Variants in PPP1R9A observed in about 807,000 individuals in gnomAD.
PPP1R9A encodes neurabin-1.
Under a neutral mutation model 141.9 loss-of-function variants are expected in PPP1R9A, and 59 were observed. That is an observed-to-expected ratio of 0.42 (90% CI 0.34 to 0.52). PPP1R9A has a LOEUF of 0.52. Among genes scored for constraint, PPP1R9A ranks in the 20% least tolerant of loss-of-function variants. The pLI, the probability that PPP1R9A is intolerant of heterozygous loss-of-function variation, is 0.10. For synonymous variants in PPP1R9A, 500 were observed against 569.7 expected, an observed-to-expected ratio of 0.88 and a Z score of 1.74; for missense variants, 1,444 against 1,611.9, an observed-to-expected ratio of 0.90 and a Z score of 1.78.
chr7:95,174,000 A>G (rs1250606647), intron 5 of PPP1R9A, among the ~76,000 whole-genome samples: 3 of 152,108 alleles, frequency 2.0e-5, no homozygotes, highest in Non-Finnish European at 4.4e-5. Context: ...CCAGCTAGCA[A>G]TTCCGCACCT....
chr7:95,123,560 A>G (rs957360714), intron 4 of PPP1R9A, among the ~76,000 whole-genome samples: 1 of 152,160 alleles, frequency 6.6e-6, no homozygotes, highest in African/African-American at 2.4e-5. Flanking sequence ...GAGGCGGGAG[A>G]ATCGCTTGAA....
At chr7:95,081,511 CTG>C (rs35902346) in intron 2 of PPP1R9A, among the ~76,000 whole-genome samples, 2,046 of 152,166 alleles carry the variant, frequency 0.013, 49 homozygotes, top group African/African-American at 0.048. Context: ...ATGGAATTAA[CTG>C]TGCATTAGAC....
At chr7:94,924,239 G>T (rs1017774170) in intron 2 of PPP1R9A, among the ~76,000 whole-genome samples, 1 of 152,130 alleles carries the variant, frequency 6.6e-6, no homozygotes, top group Non-Finnish European at 1.5e-5. Flanking sequence ...ATGATTTGAG[G>T]CAGTGATATC....
intron 4 of PPP1R9A, among the ~76,000 whole-genome samples, chr7:95,150,130 T>C (rs1828388665): frequency 7.0e-6 from 1 of 142,630 alleles, no homozygotes; most frequent in Non-Finnish European, 1.5e-5. Context: ...ACAATAGTAC[T>C]GGAATAACTG....
At chr7:94,970,909 A>G (rs1346341639) in intron 2 of PPP1R9A, among the ~76,000 whole-genome samples, 4 of 151,692 alleles carry the variant, frequency 2.6e-5, no homozygotes, top group African/African-American at 4.8e-5. Context: ...CTGTACCTCT[A>G]ATTTCTTACA....
intron 8 of PPP1R9A, among the ~76,000 whole-genome samples, chr7:95,228,901 G>A (rs1046071973): frequency 2.0e-5 from 3 of 151,824 alleles, no homozygotes; most frequent in Non-Finnish European, 2.9e-5. Flanking sequence ...CCTAAGTATC[G>A]AGCTATAAGT....
chr7:95,290,413 G>A lies in PPP1R9A; in HGVS notation c.*110G>A. Reference sequence around the variant, plus strand: ...GAAACTAAATGATAAGGGTAATGCGGCTCTAGGCCGGCTGAGGAACTGTGT... The same window carrying A: ...GAAACTAAATGATAAGGGTAATGCGACTCTAGGCCGGCTGAGGAACTGTGT... On this transcript the variant is annotated 3_prime_UTR_variant, in exon 20 of 20. Coordinates refer to ENST00000433360, the MANE Select transcript of PPP1R9A (RefSeq NM_001166160.2). 8.1e-7 allele frequency: 1 copy of A among 1,232,736 alleles called. No individual in the cohort carries two copies. The highest frequency in any genetic ancestry group is 1.1e-6 in the Non-Finnish European group (1 of 904,236). 76.4% of individuals were successfully genotyped at this position (1,232,736 alleles called of 1,614,324 possible).
chr7:94,984,575 C>A (rs925524454), intron 2 of PPP1R9A, among the ~76,000 whole-genome samples: 1 of 151,984 alleles, frequency 6.6e-6, no homozygotes, highest in Non-Finnish European at 1.5e-5. Flanking sequence ...TGTATGTGTC[C>A]AGGAATTTAT....
intron 2 of PPP1R9A, among the ~76,000 whole-genome samples, chr7:95,003,920 G>T (rs1278683983): frequency 6.6e-6 from 1 of 152,130 alleles, no homozygotes; most frequent in Non-Finnish European, 1.5e-5. Flanking sequence ...CTACCCATCT[G>T]TACTTATTCT....
intron 2 of PPP1R9A, among the ~76,000 whole-genome samples, chr7:95,109,250 G>A (rs1820116666): frequency 6.6e-6 from 1 of 152,118 alleles, no homozygotes; most frequent in Non-Finnish European, 1.5e-5. Flanking sequence ...AAATATCTTT[G>A]CCTTCACAAC....
chr7:95,250,403 T>C, intron 10 of PPP1R9A, 148 bp downstream of exon 10: 1 of 704,814 alleles, frequency 1.4e-6, no homozygotes, highest in South Asian at 2.5e-5. Flanking sequence ...AAATACACAT[T>C]AAGTTTTGGA....
At chr7:94,956,512 T>G (rs1465434158) in intron 2 of PPP1R9A, among the ~76,000 whole-genome samples, 1 of 152,106 alleles carries the variant, frequency 6.6e-6, no homozygotes, top group Non-Finnish European at 1.5e-5. Context: ...ACCTGGTGAT[T>G]AATTTCTGTA....
intron 2 of PPP1R9A, among the ~76,000 whole-genome samples, chr7:94,998,493 TAGTC>T (rs773769436): frequency 3.9e-5 from 6 of 152,314 alleles, no homozygotes; most frequent in African/African-American, 1.2e-4. Context: ...TGATTTTTCT[TAGTC>T]AGCTTGATTT....
intron 14 of PPP1R9A, 148 bp from the exon 15 acceptor site, chr7:95,273,751 T>C (rs1357165031): frequency 8.0e-6 from 6 of 746,260 alleles, no homozygotes; most frequent in Non-Finnish European, 4.2e-6. Flanking sequence ...TGTAACTGTG[T>C]CTCCTAGGTC....
At chr7:95,064,463 A>C (rs1812680465) in intron 2 of PPP1R9A, among the ~76,000 whole-genome samples, 1 of 152,242 alleles carries the variant, frequency 6.6e-6, no homozygotes, top group Non-Finnish European at 1.5e-5. Flanking sequence ...TATTCTCAAC[A>C]GCAAAATCAC....
intron 4 of PPP1R9A, among the ~76,000 whole-genome samples, chr7:95,133,484 A>G (rs1825027550): frequency 6.9e-6 from 1 of 145,900 alleles, no homozygotes; most frequent in East Asian, 2.0e-4. Context: ...TTTTTATAAT[A>G]GACTTTAAGG....
chr7:95,192,606 A>G (rs991192536), intron 5 of PPP1R9A, among the ~76,000 whole-genome samples: 1 of 151,972 alleles, frequency 6.6e-6, no homozygotes, highest in African/African-American at 2.4e-5. Context: ...ATTATATAAT[A>G]TTTGTTCTGG....
chr7:95,058,112 C>T (rs1301663615), intron 2 of PPP1R9A, among the ~76,000 whole-genome samples: 2 of 152,106 alleles, frequency 1.3e-5, no homozygotes, highest in Non-Finnish European at 1.5e-5. Context: ...TGTAAATAAT[C>T]ATCTTAAATA....
At chr7:95,283,309 T>C (rs1804627495) in intron 16 of PPP1R9A, among the ~76,000 whole-genome samples, 3 of 152,222 alleles carry the variant, frequency 2.0e-5, no homozygotes, top group Admixed American at 2.0e-4. Context: ...GTAAGCACTT[T>C]CACATATCTC....
Sources: allele counts gnomAD v4.1 joint callset (sites outside exome capture counted in the v4.1 genomes callset), GRCh38; gene constraint gnomAD v4.1.1; transcripts MANE v1.5; gene names NCBI Gene and HGNC (gene_info 2026-07-23, HGNC 2026-07-21).